The following POU6F2 variants were observed in gnomAD, a reference collection of about 807,000 sequenced individuals.
POU6F2 encodes POU domain, class 6, transcription factor 2.
A neutral mutation model predicts 71.3 loss-of-function variants in POU6F2; 31 were observed. The ratio of observed to expected loss-of-function variants is 0.43; its 90% CI spans 0.33 to 0.59. POU6F2 has a LOEUF of 0.59. POU6F2 is among the 20% of genes least tolerant of loss of function. The pLI is 0.04. For missense variants in POU6F2, 783 were observed against 856.8 expected (o/e 0.91, Z 1.07); for synonymous variants, 347 against 355.7 (o/e 0.98, Z 0.27).
intron 1 of POU6F2, among the ~76,000 whole-genome samples, chr7:38,981,954 G>A (rs2116589642): frequency 6.6e-6 from 1 of 152,152 alleles, no homozygotes; most frequent in South Asian, 2.1e-4. Context: ...TTTACATAGA[G>A]GTTTGTTTAT....
Position 39,195,524 on chromosome 7 carries a change from C to T in POU6F2, c.278-8711C>T, listed in dbSNP as rs538195446. On this transcript the variant is annotated intron_variant, in intron 2 of 9. Transcript: ENST00000518318. ...GAATGAGATATCACTGTCATTCTCA[C>T]GATAATTTTGGTCTGAGCCAAGCGT... is the stretch of plus-strand genomic sequence containing the variant. Among the ~76,000 whole-genome samples, 15 of 152,188 alleles carry T rather than the reference C, an allele frequency of 9.9e-5. No homozygotes were observed. The South Asian group carries it at 1.7e-3, about 17-fold the overall frequency.
intron 4 of POU6F2, among the ~76,000 whole-genome samples, chr7:39,265,297 G>A (rs1440934812): frequency 6.6e-6 from 1 of 152,098 alleles, no homozygotes; most frequent in Admixed American, 6.5e-5. Context: ...ACCCACCCAG[G>A]CCAGCCTGCC....
chr7:39,292,988 C>G (rs546439874), intron 4 of POU6F2, among the ~76,000 whole-genome samples: 109 of 152,266 alleles, frequency 7.2e-4, no homozygotes, highest in African/African-American at 2.3e-3. Flanking sequence ...TGCTTGGGCT[C>G]TGGCCGCCTC....
chr7:39,363,991 G>C (rs1008178265), intron 5 of POU6F2, among the ~76,000 whole-genome samples: 1 of 152,176 alleles, frequency 6.6e-6, no homozygotes, highest in Non-Finnish European at 1.5e-5. Context: ...AGGTTGGGTC[G>C]AGAGAGGTTT....
Position 39,457,943 on chromosome 7 carries a change from C to A in POU6F2, c.1490-2604C>A, listed in dbSNP as rs551959447. Among the ~76,000 whole-genome samples, 9 of 152,182 alleles carry A rather than the reference C, an allele frequency of 5.9e-5. No individual in the cohort carries two copies. The East Asian group carries it at 1.5e-3, about 26-fold the overall frequency. On this transcript the variant is annotated intron_variant, in intron 8 of 9. Coordinates refer to ENST00000518318, the MANE Select transcript of POU6F2 (RefSeq NM_001370959.1). ...AGTTTCTCAGCTATTATTTTATTAT[C>A]ACCCCACTCCCCCTGCAAGCAGCAT...
chr7:39,373,787 CTG>C (rs1360890443), intron 5 of POU6F2: 2 of 298,850 alleles, frequency 6.7e-6, no homozygotes. Flanking sequence ...GCAAAGGTAT[CTG>C]TATCTGTGTC....
intron 6 of POU6F2, among the ~76,000 whole-genome samples, chr7:39,418,935 A>C (rs1282735539): frequency 7.2e-6 from 1 of 139,430 alleles, no homozygotes. Flanking sequence ...ATATGTATAT[A>C]TGTGTATATA....
chr7:39,425,663 C>A (rs1406621963), intron 6 of POU6F2, among the ~76,000 whole-genome samples: 2 of 152,156 alleles, frequency 1.3e-5, no homozygotes, highest in Admixed American at 1.3e-4. Context: ...AAAATATATT[C>A]TGCTCACAAT....
At chr7:39,278,117 GAGGGAGGA>G (rs748933091) in intron 4 of POU6F2, among the ~76,000 whole-genome samples, 14,775 of 112,350 alleles carry the variant, frequency 0.13, 1,104 homozygotes, top group East Asian at 0.2. Context: ...GGGGGGGAGG[GAGGGAGGA>G]AGGAATCAAA....
At chr7:39,337,509 A>G (rs1583534951) in intron 4 of POU6F2, among the ~76,000 whole-genome samples, 1 of 152,284 alleles carries the variant, frequency 6.6e-6, no homozygotes, top group East Asian at 1.9e-4. Flanking sequence ...ATCTGCAAAC[A>G]TTCTTTGTAG....
intron 4 of POU6F2, among the ~76,000 whole-genome samples, chr7:39,278,052 G>A (rs1427264114): frequency 2.3e-5 from 3 of 132,278 alleles, no homozygotes; most frequent in Non-Finnish European, 3.1e-5. Flanking sequence ...CTAGCCTGGC[G>A]ACAGAGTGAG....
At chr7:39,313,971 A>C (rs1171374039) in intron 4 of POU6F2, among the ~76,000 whole-genome samples, 1 of 152,174 alleles carries the variant, frequency 6.6e-6, no homozygotes, top group Non-Finnish European at 1.5e-5. Flanking sequence ...ATCTAAAGGA[A>C]GTTTAGTCCA....
chr7:39,022,141 TCTC>T (rs951954353), intron 1 of POU6F2, among the ~76,000 whole-genome samples: 1 of 151,982 alleles, frequency 6.6e-6, no homozygotes, highest in Non-Finnish European at 1.5e-5. Flanking sequence ...TCCTTCTTCT[TCTC>T]TTTTCTTTTA....
chr7:39,319,013 A>T (rs538624103), intron 4 of POU6F2, among the ~76,000 whole-genome samples: 364 of 152,254 alleles, frequency 2.4e-3, no homozygotes, highest in Non-Finnish European at 3.6e-3. Context: ...GTGGTGGTGC[A>T]TGCAGGTACT....
chr7:39,018,769 A>G (rs1466675994), intron 1 of POU6F2, among the ~76,000 whole-genome samples: 2 of 152,234 alleles, frequency 1.3e-5, no homozygotes, highest in Admixed American at 6.5e-5. Flanking sequence ...AAACAGTGCC[A>G]CTAAAAGTAG....
chr7:39,193,769 C>G (rs1414981916), intron 2 of POU6F2, among the ~76,000 whole-genome samples: 1 of 152,184 alleles, frequency 6.6e-6, no homozygotes, highest in Admixed American at 6.5e-5. Flanking sequence ...AAGACGTGAT[C>G]CTGCCATCAG....
chr7:39,413,731 T>C (rs565983479), intron 6 of POU6F2, among the ~76,000 whole-genome samples: 4 of 152,298 alleles, frequency 2.6e-5, no homozygotes, highest in Non-Finnish European at 5.9e-5. Context: ...CTGGGAAATA[T>C]ATATGTTCAT....
chr7:39,247,560 T>C (rs1388543434), intron 4 of POU6F2, among the ~76,000 whole-genome samples: 2 of 152,138 alleles, frequency 1.3e-5, no homozygotes, highest in Admixed American at 1.3e-4. Flanking sequence ...CTTAGTGTCA[T>C]ATGGCTAATA....
At chr7:39,419,645 A>G (rs1787806009) in intron 6 of POU6F2, among the ~76,000 whole-genome samples, 2 of 152,138 alleles carry the variant, frequency 1.3e-5, no homozygotes, top group Non-Finnish European at 2.9e-5. Flanking sequence ...TTATTTAGTT[A>G]ACTCACTTCA....
Sources: allele counts gnomAD v4.1 joint callset (sites outside exome capture counted in the v4.1 genomes callset), GRCh38; gene constraint gnomAD v4.1.1; transcripts MANE v1.5; gene names NCBI Gene and HGNC (gene_info 2026-07-23, HGNC 2026-07-21).